The following PUM1 variants were observed in gnomAD, a reference collection of about 807,000 sequenced individuals.
PUM1 encodes pumilio RNA binding family member 1.
In PUM1, 13 loss-of-function variants were observed where a neutral mutation model predicts 131.8. That is an observed-to-expected ratio of 0.10 (90% CI 0.06 to 0.16). The LOEUF (loss-of-function observed/expected upper bound fraction) is 0.16, where lower values mean the gene tolerates loss of function less well. PUM1 is among the 10% of genes least tolerant of loss of function. The pLI is 1.00. For missense variants in PUM1, 961 were observed against 1,512.4 expected, an observed-to-expected ratio of 0.64 and a Z score of 6.05; for synonymous variants, 509 against 556.5, an observed-to-expected ratio of 0.91 and a Z score of 1.20.
chr1:31,046,706 G>A (rs1197236080), intron 2 of PUM1, among the ~76,000 whole-genome samples: 2 of 151,778 alleles, frequency 1.3e-5, no homozygotes, highest in African/African-American at 2.4e-5. Context: ...TCCTAACCTC[G>A]TGATCCACCC....
chr1:30,983,884 T>TGA (rs1315444110), intron 7 of PUM1, among the ~76,000 whole-genome samples: 2 of 151,954 alleles, frequency 1.3e-5, no homozygotes, highest in African/African-American at 2.4e-5. Context: ...ATTACAGGCG[T>TGA]GAGCCACCAC....
Position 31,063,413 on chromosome 1 carries a change from T to C in PUM1, c.-12+2203A>G, listed in dbSNP as rs552205029. ...AGGCAACTCCAGTCCCTAACAGAAT[T>C]CCTAAAACAGCAAATGCAATCTTTT... is the stretch of plus-strand genomic sequence containing the variant. On this transcript the variant is annotated intron_variant, in intron 1 of 21. Coordinates refer to ENST00000426105, the MANE Select transcript of PUM1 (RefSeq NM_001020658.2). Among the ~76,000 whole-genome samples, 43 of 152,194 alleles carry C rather than the reference T, an allele frequency of 2.8e-4. No individual in the cohort carries two copies. The South Asian group carries it at 8.1e-3, about 29-fold the overall frequency.
chr1:30,933,098 A>G lies in PUM1; in HGVS notation c.*113T>C. ...TTTTTGGAGGAGGGAGTAATCCTGG[A>G]GCAACCACTTGCCCGTCTCAGACTC... On this transcript the variant is annotated 3_prime_UTR_variant, in exon 22 of 22. Transcript: ENST00000426105. 3.0e-6 allele frequency: 4 copies of G among 1,338,602 alleles called. No individual in the cohort carries two copies. Among genetic ancestry groups the G allele is most frequent in the Non-Finnish European group, 4.0e-6 (4 of 994,064 alleles). 82.9% of individuals were successfully genotyped at this position (1,338,602 alleles called of 1,614,324 possible).
At chr1:31,007,204 G>T in intron 3 of PUM1, 102 bp from the exon 4 acceptor site, 1 of 792,006 alleles carries the variant, frequency 1.3e-6, no homozygotes, top group Non-Finnish European at 2.1e-6. Flanking sequence ...ATGCTCACGT[G>T]CCCTGAAGGT....
At chr1:31,060,464 AAATC>A (rs201052671) in intron 1 of PUM1, among the ~76,000 whole-genome samples, 4 of 151,960 alleles carry the variant, frequency 2.6e-5, no homozygotes, top group Non-Finnish European at 4.4e-5. Context: ...CTCTCTCAAA[AAATC>A]AATCAATCAA....
intron 6 of PUM1, among the ~76,000 whole-genome samples, chr1:30,993,522 C>G (rs1374455064): frequency 6.6e-6 from 1 of 151,976 alleles, no homozygotes; most frequent in African/African-American, 2.4e-5. Flanking sequence ...ATTCAATGCC[C>G]TTCTTCTCCA....
At chr1:31,040,831 T>C (rs967061342) in intron 2 of PUM1, among the ~76,000 whole-genome samples, 2 of 151,580 alleles carry the variant, frequency 1.3e-5, no homozygotes, top group African/African-American at 4.8e-5. Context: ...AGGAGGAGCT[T>C]AGAAGTTATC....
intron 3 of PUM1, among the ~76,000 whole-genome samples, chr1:31,026,410 C>T (rs535498232): frequency 4.2e-4 from 64 of 152,308 alleles, no homozygotes; most frequent in Middle Eastern, 6.8e-3. Flanking sequence ...TCTCCTCCTC[C>T]ATTAAAGTCT....
At chr1:31,000,164 T>C (rs1157378238) in intron 5 of PUM1, among the ~76,000 whole-genome samples, 1 of 152,214 alleles carries the variant, frequency 6.6e-6, no homozygotes, top group Non-Finnish European at 1.5e-5. Context: ...AAATGCAACA[T>C]AAGCATCAGA....
intron 5 of PUM1, among the ~76,000 whole-genome samples, chr1:31,000,988 C>T (rs1433316437): frequency 1.3e-5 from 2 of 152,016 alleles, no homozygotes; most frequent in African/African-American, 2.4e-5. Context: ...AGAGCGAGAC[C>T]ATCCTGGCTA....
chr1:30,937,331 C>A (rs1639252444), intron 20 of PUM1, among the ~76,000 whole-genome samples: 1 of 152,168 alleles, frequency 6.6e-6, no homozygotes, highest in South Asian at 2.1e-4. Context: ...AGGAACAAAC[C>A]TTACTTATGC....
At chr1:31,020,325 G>A (rs1642976150) in intron 3 of PUM1, among the ~76,000 whole-genome samples, 1 of 152,130 alleles carries the variant, frequency 6.6e-6, no homozygotes, top group Non-Finnish European at 1.5e-5. Flanking sequence ...TTGATTCCAC[G>A]TCTGTGCTAT....
At chr1:30,948,587 C>T (rs1223211432) in intron 17 of PUM1, among the ~76,000 whole-genome samples, 2 of 152,104 alleles carry the variant, frequency 1.3e-5, no homozygotes, top group Admixed American at 6.6e-5. Flanking sequence ...CCCATCTCTA[C>T]CAAAAATACA....
At position 31,065,713 on chromosome 1, in the gene PUM1, C is replaced by A. The variant is rs548664516; in HGVS notation, c.-109G>T. The A allele has an allele frequency of 1.9e-6, 3 of 1,548,798 alleles. No homozygotes were observed. The Admixed American group carries it at 5.9e-5, about 30-fold the overall frequency. ...CCTTTCACTCCGACAACATGGCGGC[C>A]CACTGGGGACTGGGTTGGCGCGGTG... On this transcript the variant is annotated 5_prime_UTR_variant, in exon 1 of 22. Coordinates refer to ENST00000426105, the MANE Select transcript of PUM1 (RefSeq NM_001020658.2).
chr1:30,942,335 A>G (rs563975596), intron 18 of PUM1, among the ~76,000 whole-genome samples: 2 of 150,512 alleles, frequency 1.3e-5, no homozygotes, highest in African/African-American at 4.9e-5. Context: ...TCGCTTATCT[A>G]TTTTAGGAAT....
At position 30,933,359 on chromosome 1, in the gene PUM1, G is replaced by C. The variant is rs1255159568; in HGVS notation, c.3436-17C>G. 9 of 1,612,228 alleles carry C rather than the reference G, an allele frequency of 5.6e-6. No homozygotes were observed. Among genetic ancestry groups the C allele is most frequent in the Non-Finnish European group, 6.8e-6 (8 of 1,178,928 alleles). ...GGGCCGGATCTGGGGAGGAAAGACA[G>C]TCTGTGTTACATGGCCTGAGATGAG... On this transcript the variant is annotated splice_polypyrimidine_tract_variant and intron_variant, in intron 21 of 21. Coordinates refer to ENST00000426105, the MANE Select transcript of PUM1 (RefSeq NM_001020658.2).
intron 7 of PUM1, among the ~76,000 whole-genome samples, chr1:30,987,066 ATAC>A (rs1203079553): frequency 2.6e-5 from 4 of 152,218 alleles, no homozygotes; most frequent in African/African-American, 4.8e-5. Flanking sequence ...TTTGTGAAAC[ATAC>A]TACATTAGGC....
In PUM1 at chr1:30,944,995, G is replaced by A. The variant is rs566043376; in HGVS notation, c.2994+351C>T. On this transcript the variant is annotated intron_variant, in intron 18 of 21. Transcript: ENST00000426105. ...GCCTGTAATCCCAGCAACTTCGGGA[G>A]GCTGAGGCAGGTGGATTGCTTGAGT... Among the ~76,000 whole-genome samples, 30 of 152,362 alleles carry A rather than the reference G, an allele frequency of 2.0e-4. 1 individual carries two copies. The highest frequency in any genetic ancestry group is 1.9e-4 in the Non-Finnish European group (13 of 68,032).
chr1:31,059,534 T>C lies in PUM1; in HGVS notation c.33A>G (p.Ala11=), dbSNP rs1045763124. Residue 11 remains alanine (A), a synonymous_variant, in exon 2 of 22, where the codon GCA becomes GCG. Transcript: ENST00000426105. ...GGCTGAAAGAGTCCTGCCAAAGCAC[T>C]GCTTTTCTCTTCAAGACACATGCAA... The part of the protein sequence containing the change: MSVACVLKRK[A]VLWQDSFSPH... The C allele has an allele frequency of 6.2e-7, 1 of 1,613,990 alleles. No individual in the cohort carries two copies. The highest frequency in any genetic ancestry group is 8.5e-7 in the Non-Finnish European group (1 of 1,179,998).
Sources: gnomAD v4.1 joint callset for allele counts (sites outside exome capture counted in the v4.1 genomes callset) on GRCh38, gnomAD v4.1.1 for gene constraint, MANE v1.5 for transcripts, NCBI Gene and HGNC (gene_info 2026-07-23, HGNC 2026-07-21) for gene names.